SCLT1: variants seen among roughly 807,000 people sequenced by gnomAD.
SCLT1 encodes sodium channel-associated protein 1.
A neutral mutation model predicts 112.8 loss-of-function variants in SCLT1; 78 were observed. The observed-to-expected ratio is 0.69, with a 90% confidence interval of 0.58 to 0.83. SCLT1 has a LOEUF of 0.83. Ranked by LOEUF, SCLT1 falls within the 40% of genes least tolerant of loss-of-function variation. The pLI, the probability that SCLT1 is intolerant of heterozygous loss-of-function variation, is 0.00. For missense variants in SCLT1, 747 were observed against 770.4 expected, an observed-to-expected ratio of 0.97 and a Z score of 0.36; for synonymous variants, 257 against 254.7, an observed-to-expected ratio of 1.01 and a Z score of -0.09.
At chr4:129,043,488 T>C (rs759683163) in intron 3 of SCLT1, 21 bp from the exon 4 acceptor site, 1 of 1,095,056 alleles carries the variant, frequency 9.1e-7, no homozygotes, top group Non-Finnish European at 1.4e-6. Context: ...ACAATAAAAA[T>C]ATAGCATATT....
intron 2 of SCLT1, among the ~76,000 whole-genome samples, chr4:129,078,815 T>C (rs1751685279): frequency 6.6e-6 from 1 of 152,168 alleles, no homozygotes; most frequent in African/African-American, 2.4e-5. Context: ...TATAAGGAAA[T>C]ACATAAGACT....
At chr4:128,953,456 T>C (rs949721931) in intron 13 of SCLT1, among the ~76,000 whole-genome samples, 1 of 152,180 alleles carries the variant, frequency 6.6e-6, no homozygotes, top group East Asian at 1.9e-4. Context: ...ACTACAATTA[T>C]AGAAGTAGGT....
At position 129,063,845 on chromosome 4, in the gene SCLT1, G is replaced by C. The variant is rs538753450; in HGVS notation, c.102+18461C>G. On this transcript the variant is annotated intron_variant, in intron 2 of 20. Coordinates refer to ENST00000281142, the MANE Select transcript of SCLT1 (RefSeq NM_144643.4). ...GTCAAAAAGAGGTGGGTCTTTTCGA[G>C]TGTCCTGCACAGGTAGAAAAGCCAG... Among the ~76,000 whole-genome samples the C allele has an allele frequency of 5.3e-5, 8 of 152,284 alleles. No homozygotes were observed. In the South Asian group the frequency reaches 1.7e-3, roughly 32 times the overall value.
At chr4:129,021,675 C>T (rs1026764430) in intron 5 of SCLT1, among the ~76,000 whole-genome samples, 1 of 152,182 alleles carries the variant, frequency 6.6e-6, no homozygotes, top group South Asian at 2.1e-4. Flanking sequence ...CCAGTTAGGG[C>T]CCTACAGACA....
At chr4:129,009,608 T>C (rs1052780431) in intron 5 of SCLT1, among the ~76,000 whole-genome samples, 16 of 152,202 alleles carry the variant, frequency 1.1e-4, no homozygotes, top group Non-Finnish European at 2.2e-4. Context: ...CATTCCCTTT[T>C]CTCTGCAACC....
At chr4:129,030,927 C>G (rs1746660096) in intron 5 of SCLT1, among the ~76,000 whole-genome samples, 1 of 151,948 alleles carries the variant, frequency 6.6e-6, no homozygotes, top group African/African-American at 2.4e-5. Context: ...CCTTCTGAAA[C>G]TATTCCAAAC....
chr4:129,005,782 A>G (rs986096766), intron 5 of SCLT1, among the ~76,000 whole-genome samples: 3 of 150,400 alleles, frequency 2.0e-5, no homozygotes, highest in African/African-American at 7.3e-5. Flanking sequence ...TCCAACAATG[A>G]TAGACTGGAT....
At position 128,946,118 on chromosome 4, in the gene SCLT1, T is replaced by C. The variant is rs750715703; in HGVS notation, c.1328A>G (p.Tyr443Cys). The change falls in exon 16 of 21, where the codon TAC (tyrosine) becomes TGC (cysteine). Residue 443 changes from tyrosine to cysteine, a missense_variant. Tyr to Cys is a radical substitution (Grantham distance 194). Transcript: ENST00000281142. The part of the protein sequence containing the change: ...YREGRGNESD[Y>C]RKLEEMHQRF... ...TTGGTGCATTTCTTCCAGTTTTCTG[T>C]AATCACTCTCATTTCCTCTGCCTTC... 4 of 1,608,650 alleles carry C rather than the reference T, an allele frequency of 2.5e-6. No homozygotes were observed. Among genetic ancestry groups the C allele is most frequent in the East Asian group, 2.2e-5 (1 of 44,744 alleles).
At chr4:128,898,428 G>C (rs1351482134) in intron 18 of SCLT1, among the ~76,000 whole-genome samples, 1 of 152,070 alleles carries the variant, frequency 6.6e-6, no homozygotes, top group Non-Finnish European at 1.5e-5. Flanking sequence ...TGACTACTGG[G>C]TACATAACAA....
At chr4:129,079,479 G>A (rs1330563752) in intron 2 of SCLT1, among the ~76,000 whole-genome samples, 1 of 152,164 alleles carries the variant, frequency 6.6e-6, no homozygotes, top group Non-Finnish European at 1.5e-5. Context: ...TTAAACCTTA[G>A]GGGCCCAAAA....
At chr4:128,888,458 T>A (rs575069726) in intron 20 of SCLT1, among the ~76,000 whole-genome samples, 23 of 152,284 alleles carry the variant, frequency 1.5e-4, no homozygotes, top group South Asian at 4.1e-4. Flanking sequence ...CCTCAAGTGA[T>A]CCTCCTGCCT....
At chr4:128,991,142 C>G (rs1297324286) in intron 9 of SCLT1, among the ~76,000 whole-genome samples, 1 of 151,848 alleles carries the variant, frequency 6.6e-6, no homozygotes, top group African/African-American at 2.4e-5. Flanking sequence ...GCAAAGAGAA[C>G]AAAGCTAGAG....
chr4:128,873,762 A>T (rs910142589), intron 5 of SCLT1: 1 of 152,458 alleles, frequency 6.6e-6, no homozygotes, highest in Non-Finnish European at 1.5e-5. Flanking sequence ...TGATTCATTT[A>T]TACATCTGTT....
At chr4:128,949,858 T>TTC (rs370231505) in intron 14 of SCLT1, among the ~76,000 whole-genome samples, 1 of 151,274 alleles carries the variant, frequency 6.6e-6, no homozygotes, top group Non-Finnish European at 1.5e-5. Flanking sequence ...TTTTTTTTTT[T>TTC]CCCCTAATTG....
At chr4:129,081,595 C>T (rs959138099) in intron 2 of SCLT1, among the ~76,000 whole-genome samples, 1 of 152,134 alleles carries the variant, frequency 6.6e-6, no homozygotes, top group Non-Finnish European at 1.5e-5. Flanking sequence ...CTTTAAACCA[C>T]CAGATCTCAT....
intron 5 of SCLT1, among the ~76,000 whole-genome samples, chr4:129,032,964 C>T (rs1419713671): frequency 6.6e-6 from 1 of 152,100 alleles, no homozygotes; most frequent in Non-Finnish European, 1.5e-5. Flanking sequence ...TCCATTTGAT[C>T]CAGCAATCCC....
chr4:129,046,952 C>T (rs183979745), intron 2 of SCLT1, among the ~76,000 whole-genome samples: 1 of 151,948 alleles, frequency 6.6e-6, no homozygotes, highest in Non-Finnish European at 1.5e-5. Flanking sequence ...TTTTAAATAC[C>T]CTCTTTTGTG....
chr4:128,970,821 G>A (rs1400144524), intron 9 of SCLT1: 1 of 173,448 alleles, frequency 5.8e-6, no homozygotes, highest in African/African-American at 2.4e-5. Context: ...ATATACTTAT[G>A]TCTATAATAT....
chr4:129,024,288 A>G (rs1445900125), intron 5 of SCLT1, among the ~76,000 whole-genome samples: 3 of 152,130 alleles, frequency 2.0e-5, no homozygotes, highest in Non-Finnish European at 4.4e-5. Context: ...GCCTAACTGG[A>G]AGGCACCCCC....
Sources: gnomAD v4.1 joint callset for allele counts (sites outside exome capture counted in the v4.1 genomes callset) on GRCh38, gnomAD v4.1.1 for gene constraint, MANE v1.5 for transcripts, NCBI Gene and HGNC (gene_info 2026-07-23, HGNC 2026-07-21) for gene names.